The following GPM6B variants were observed in gnomAD, a reference collection of about 807,000 sequenced individuals.
GPM6B encodes the protein neuronal membrane glycoprotein M6-b.
GPM6B carries 4 observed loss-of-function variants against 27.2 expected under a neutral mutation model. The ratio of observed to expected loss-of-function variants is 0.15; its 90% CI spans 0.07 to 0.34. GPM6B has a LOEUF of 0.34. Among genes scored for constraint, GPM6B ranks in the 10% least tolerant of loss-of-function variants. The pLI is 1.00. For missense variants in GPM6B, 183 were observed against 261.9 expected (o/e 0.70, Z 2.08); for synonymous variants, 124 against 103.1 (o/e 1.20, Z -1.23).
intron 1 of GPM6B, among the ~76,000 whole-genome samples, chrX:13,910,420 A>G (rs1343693161): frequency 8.8e-6 from 1 of 112,996 alleles, no homozygotes; most frequent in African/African-American, 3.2e-5. Context: ...TCCAAAAAGA[A>G]GTCCAAAAGG....
At chrX:13,795,328 A>G (rs1250459673) in intron 2 of GPM6B, among the ~76,000 whole-genome samples, 1 of 112,520 alleles carries the variant, frequency 8.9e-6, no homozygotes, top group African/African-American at 3.2e-5. Context: ...TTCAGATTCC[A>G]CATTACAAGT....
chrX:13,823,383 C>T (rs1473324684), intron 1 of GPM6B, among the ~76,000 whole-genome samples: 1 of 112,406 alleles, frequency 8.9e-6, no homozygotes, highest in Non-Finnish European at 1.9e-5. Context: ...AACTTAATCA[C>T]TTGTTTATTT....
intron 1 of GPM6B, among the ~76,000 whole-genome samples, chrX:13,872,862 G>T (rs1265960204): frequency 1.8e-5 from 2 of 110,962 alleles, no homozygotes; most frequent in South Asian, 7.8e-4. Flanking sequence ...CCAGGACTAC[G>T]TGAGGCCAGA....
Position 13,771,264 on chromosome X carries a change from C to T in GPM6B, c.*1617G>A, listed in dbSNP as rs998393621. On this transcript the variant is annotated 3_prime_UTR_variant, in exon 8 of 8. Transcript: ENST00000316715. ...GCTTTAGACACTGCCTCTTCTAGAA[C>T]ACTGGACTCTGACAGCACCTCCACT... The T allele has an allele frequency of 3.6e-5, 4 of 111,418 alleles. No homozygotes were observed. Among genetic ancestry groups the T allele is most frequent in the Admixed American group, 9.6e-5 (1 of 10,448 alleles). 9.2% of individuals were successfully genotyped at this position (111,418 alleles called of 1,213,427 possible). A position where few individuals can be genotyped will look rare whatever the true frequency, so the allele number is the denominator to read the frequency against.
At chrX:13,811,497 C>T (rs1372142065) in intron 1 of GPM6B, among the ~76,000 whole-genome samples, 1 of 111,442 alleles carries the variant, frequency 9.0e-6, no homozygotes, top group Non-Finnish European at 1.9e-5. Flanking sequence ...TTAAGGAATG[C>T]CATAACAATG....
In GPM6B at chrX:13,798,480, T is replaced by C. The variant is rs770014802; in HGVS notation, c.181+9170A>G. On this transcript the variant is annotated intron_variant, in intron 2 of 7. Transcript: ENST00000316715. ...TGCCCTGCATACATCTCTGTATGCA[T>C]AGGGTGTTTATAGCACGTGCTATAT... 8.0e-5 allele frequency among the ~76,000 whole-genome samples: 9 copies of C among 112,019 alleles called. No homozygotes were observed. In the South Asian group the frequency reaches 3.0e-3, roughly 37 times the overall value.
intron 1 of GPM6B, among the ~76,000 whole-genome samples, chrX:13,845,223 C>T (rs756347585): frequency 3.6e-5 from 4 of 111,345 alleles, no homozygotes; most frequent in Non-Finnish European, 7.5e-5. Flanking sequence ...CTCCTGACCT[C>T]AGGTGATCCA....
At chrX:13,880,127 G>A (rs1036506766) in intron 1 of GPM6B, among the ~76,000 whole-genome samples, 9 of 111,772 alleles carry the variant, frequency 8.1e-5, no homozygotes, top group African/African-American at 2.6e-4. Context: ...AGGAATGTGC[G>A]AGCATGTGCA....
intron 1 of GPM6B, among the ~76,000 whole-genome samples, chrX:13,915,138 T>G (rs1037029051): frequency 9.1e-6 from 1 of 109,747 alleles, no homozygotes; most frequent in Non-Finnish European, 1.9e-5. Flanking sequence ...CGTGGTGGTG[T>G]GCCCCTGTAG....
intron 1 of GPM6B, among the ~76,000 whole-genome samples, chrX:13,815,057 TATTA>T (rs2049208828): frequency 8.9e-6 from 1 of 112,191 alleles, no homozygotes; most frequent in African/African-American, 3.2e-5. Flanking sequence ...GTAGATCTGT[TATTA>T]AATAAGATTT....
rs1408191362 is a variant in GPM6B, at chrX:13,796,928, G to T, written c.181+10722C>A. ...GGAACTGGCTTTGGTTTTCCCAAAG[G>T]CTTTTAGCCTGGTAAAGTGGGACAG... On this transcript the variant is annotated intron_variant, in intron 2 of 7. Transcript: ENST00000316715. Among the ~76,000 whole-genome samples, 3 of 112,373 alleles carry T rather than the reference G, an allele frequency of 2.7e-5. No homozygotes were observed. The East Asian group carries it at 8.3e-4, about 31-fold the overall frequency.
At chrX:13,826,758 T>C (rs893958373) in intron 1 of GPM6B, among the ~76,000 whole-genome samples, 2 of 109,837 alleles carry the variant, frequency 1.8e-5, no homozygotes, top group Non-Finnish European at 3.8e-5. Flanking sequence ...GTTTTTTTTT[T>C]AAAGGAAAGC....
In GPM6B at chrX:13,816,992, T is replaced by C; in HGVS notation, c.-88A>G. ...TCCTTTTCTTTTGGACTCCCCTCCG[T>C]CTCTTATTTACACCCGTCTGATTGA... On this transcript the variant is annotated 5_prime_UTR_variant, in exon 1 of 8. Coordinates refer to ENST00000316715, the MANE Select transcript of GPM6B (RefSeq NM_001001995.3). The C allele has an allele frequency of 1.7e-6, 2 of 1,146,536 alleles. No individual in the cohort carries two copies. Among genetic ancestry groups the C allele is most frequent in the Non-Finnish European group, 2.3e-6 (2 of 867,196 alleles). 94.5% of individuals were successfully genotyped at this position (1,146,536 alleles called of 1,213,427 possible). A position where few individuals can be genotyped will look rare whatever the true frequency, so the allele number is the denominator to read the frequency against.
chrX:13,822,447 C>T (rs1242518369), intron 1 of GPM6B, among the ~76,000 whole-genome samples: 1 of 110,692 alleles, frequency 9.0e-6, no homozygotes, highest in South Asian at 3.9e-4. Flanking sequence ...CTCACTGTAA[C>T]CTCTGCCTCC....
intron 4 of GPM6B, among the ~76,000 whole-genome samples, chrX:13,782,340 G>A (rs935140310): frequency 5.4e-5 from 6 of 111,357 alleles, no homozygotes; most frequent in African/African-American, 2.0e-4. Context: ...GTACAAACAA[G>A]CTCCTCTCCT....
intron 1 of GPM6B, among the ~76,000 whole-genome samples, chrX:13,874,841 G>A (rs773022636): frequency 8.9e-6 from 1 of 111,887 alleles, no homozygotes; most frequent in East Asian, 2.8e-4. Flanking sequence ...TCACATGGTC[G>A]TTGTGAAGAC....
chrX:13,867,649 T>C (rs1282678771), intron 1 of GPM6B, among the ~76,000 whole-genome samples: 1 of 111,435 alleles, frequency 9.0e-6, no homozygotes, highest in Non-Finnish European at 1.9e-5. Flanking sequence ...AACATGAAGC[T>C]AGGAAGTGAG....
upstream of GPM6B, among the ~76,000 whole-genome samples, chrX:13,821,236 G>C (rs1468363346): frequency 8.0e-5 from 9 of 112,130 alleles, no homozygotes; most frequent in Non-Finnish European, 9.4e-5. Context: ...AGGCTCCCAA[G>C]GTCCAGTTGA....
At chrX:13,923,197 A>C (rs1220295139) in intron 1 of GPM6B, among the ~76,000 whole-genome samples, 1 of 110,588 alleles carries the variant, frequency 9.0e-6, no homozygotes, top group Non-Finnish European at 1.9e-5. Context: ...AAAAAACCTA[A>C]GCATACCTAA....
Sources: allele counts gnomAD v4.1 joint callset (sites outside exome capture counted in the v4.1 genomes callset), GRCh38; gene constraint gnomAD v4.1.1; transcripts MANE v1.5; gene names NCBI Gene and HGNC (gene_info 2026-07-23, HGNC 2026-07-21).